TMEM62: variants seen among roughly 807,000 people sequenced by gnomAD.
TMEM62 encodes the protein transmembrane protein 62.
A neutral mutation model predicts 70.4 loss-of-function variants in TMEM62; 41 were observed. The observed-to-expected ratio is 0.58, with a 90% confidence interval of 0.45 to 0.76. The LOEUF (loss-of-function observed/expected upper bound fraction) is 0.76. TMEM62 is among the 30% of genes least tolerant of loss of function. TMEM62 has a pLI of 0.00. For synonymous variants in TMEM62, 268 were observed against 291.0 expected (o/e 0.92, Z 0.80); for missense variants, 688 against 788.5 (o/e 0.87, Z 1.53).
intron 10 of TMEM62, among the ~76,000 whole-genome samples, chr15:43,161,446 G>T (rs1201007888): frequency 6.6e-6 from 1 of 150,414 alleles, no homozygotes; most frequent in Non-Finnish European, 1.5e-5. Flanking sequence ...GCTTTTTAAA[G>T]AATATTTCTT....
chr15:43,151,549 CCAG>C (rs2037394404), intron 7 of TMEM62, among the ~76,000 whole-genome samples: 1 of 151,974 alleles, frequency 6.6e-6, no homozygotes, highest in African/African-American at 2.4e-5. Context: ...ATGCCGTGTA[CCAG>C]GTGTTGTTCA....
intron 11 of TMEM62, 60 bp downstream of exon 11, chr15:43,169,737 A>T: frequency 7.1e-7 from 1 of 1,403,058 alleles, no homozygotes; most frequent in Non-Finnish European, 1.0e-6. Context: ...CAAACTCCGT[A>T]AAATATTTTA....
chr15:43,151,818 C>T lies in TMEM62; in HGVS notation c.895C>T (p.Leu299Phe). 6.2e-7 allele frequency: 1 copy of T among 1,613,760 alleles called. No individual in the cohort carries two copies. Among genetic ancestry groups the T allele is most frequent in the South Asian group, 1.1e-5 (1 of 91,026 alleles). The change falls in exon 8 of 14, where the codon CTC (leucine) becomes TTC (phenylalanine). Residue 299 changes from leucine (L) to phenylalanine (F), a missense_variant. Transcript: ENST00000260403. ...RYRIFAFDHDLFSFADLIFGK... is the reference protein window; with the variant it reads ...RYRIFAFDHDFFSFADLIFGK... ...CCGGATTTTTGCTTTTGATCACGAC[C>T]TCTTTAGCTTTGCAGATTTGATCTT...
chr15:43,140,561 A>G (rs2035867082), intron 4 of TMEM62, among the ~76,000 whole-genome samples: 1 of 152,152 alleles, frequency 6.6e-6, no homozygotes, highest in Non-Finnish European at 1.5e-5. Context: ...CTCTCTATCA[A>G]TACCTGCATA....
intron 5 of TMEM62, among the ~76,000 whole-genome samples, chr15:43,148,426 A>G (rs1329387308): frequency 6.6e-6 from 1 of 152,166 alleles, no homozygotes; most frequent in Non-Finnish European, 1.5e-5. Flanking sequence ...TTAGAAGTTT[A>G]GTTTCTGTAT....
chr15:43,138,673 G>A, intron 4 of TMEM62, 54 bp downstream of exon 4: 2 of 1,383,220 alleles, frequency 1.4e-6, no homozygotes, highest in Non-Finnish European at 1.0e-6. Context: ...TTATAAGGAG[G>A]GTGTGGTCAA....
rs1418719731 is a variant in TMEM62 at position 43,146,558 on chromosome 15, A to T, written c.542A>T (p.Tyr181Phe). The T allele has an allele frequency of 3.7e-6, 6 of 1,613,874 alleles. No homozygotes were observed. The highest frequency in any genetic ancestry group is 5.1e-6 in the Non-Finnish European group (6 of 1,179,810). The stretch of plus-strand genomic sequence containing the variant: ...GTCCACAGTACTCCCTTTGGCAACT[A>T]TTCGTTCATCTGTGTAGATGCCACT... ...HYVHSTPFGN[Y>F]SFICVDATVN... Residue 181 changes from tyrosine (Y) to phenylalanine (F), a missense_variant, in exon 5 of 14, where the codon TAT (tyrosine) becomes TTT (phenylalanine). Tyr to Phe is a conservative substitution (Grantham distance 22, BLOSUM62 3). Transcript: ENST00000260403.
intron 13 of TMEM62, chr15:43,184,027 T>C: frequency 1.7e-6 from 1 of 577,922 alleles, no homozygotes; most frequent in Non-Finnish European, 3.1e-6. Flanking sequence ...GTACTACAAG[T>C]TGGGACTTCA....
rs747336728 is a variant in TMEM62, at chr15:43,184,314, C to T, written c.1660C>T (p.Arg554Trp). The T allele has an allele frequency of 8.1e-6, 13 of 1,614,118 alleles. No homozygotes were observed. The highest frequency in any genetic ancestry group is 1.1e-5 in the Non-Finnish European group (13 of 1,180,014). ...MAYMCWSLLQ[R>W]CFGHNFRSHL... Reference sequence around the variant, plus strand: ...TTACATGTGTTGGAGCTTGCTGCAGCGGTGCTTTGGTCACAACTTCAGGTC... The same window carrying T: ...TTACATGTGTTGGAGCTTGCTGCAGTGGTGCTTTGGTCACAACTTCAGGTC... Residue 554 changes from arginine (R) to tryptophan (W), a missense_variant, in exon 14 of 14, where the codon CGG becomes TGG. By Grantham distance (101) the Arg-to-Trp change is moderately radical. Transcript: ENST00000260403.
intron 10 of TMEM62, among the ~76,000 whole-genome samples, chr15:43,167,607 G>A (rs1477031622): frequency 2.0e-5 from 3 of 151,586 alleles, no homozygotes; most frequent in Non-Finnish European, 4.4e-5. Flanking sequence ...AGATGTGATG[G>A]CGGCCAGGCA....
intron 13 of TMEM62, among the ~76,000 whole-genome samples, chr15:43,183,699 C>A (rs561038412): frequency 2.0e-5 from 3 of 151,858 alleles, no homozygotes; most frequent in South Asian, 4.2e-4. Context: ...TATGACGGAC[C>A]TTTTCTAACT....
chr15:43,157,993 C>G (rs1199095330), intron 9 of TMEM62, among the ~76,000 whole-genome samples: 1 of 152,116 alleles, frequency 6.6e-6, no homozygotes, highest in South Asian at 2.1e-4. Flanking sequence ...TTACCTCCCC[C>G]CTCTTTTTTG....
chr15:43,174,794 G>A (rs2040559725), intron 11 of TMEM62, among the ~76,000 whole-genome samples: 1 of 152,178 alleles, frequency 6.6e-6, no homozygotes, highest in South Asian at 2.1e-4. Context: ...AGAAACTGCT[G>A]GGGGAACTTC....
chr15:43,151,655 A>G (rs1191574532), intron 7 of TMEM62, 135 bp from the exon 8 acceptor site: 5 of 751,312 alleles, frequency 6.7e-6, no homozygotes, highest in Non-Finnish European at 1.1e-5. Flanking sequence ...GAAAGAAAAT[A>G]TTACTTAATC....
At chr15:43,173,635 T>C (rs1307361410) in intron 11 of TMEM62, among the ~76,000 whole-genome samples, 1 of 152,214 alleles carries the variant, frequency 6.6e-6, no homozygotes, top group African/African-American at 2.4e-5. Context: ...TCTAAACTTA[T>C]CTAAATCTTA....
chr15:43,181,709 C>G (rs476342), intron 13 of TMEM62, among the ~76,000 whole-genome samples: 81,957 of 152,016 alleles, frequency 0.54, 26,008 homozygotes, highest in Non-Finnish European at 0.68. Flanking sequence ...ACCATGTTGG[C>G]CAGGCTGGTC....
intron 10 of TMEM62, among the ~76,000 whole-genome samples, chr15:43,162,725 C>T (rs942056670): frequency 8.5e-5 from 13 of 152,286 alleles, no homozygotes; most frequent in Non-Finnish European, 1.6e-4. Flanking sequence ...AGCCACCGCA[C>T]CTGGCTGCCT....
chr15:43,168,110 T>C (rs944571465), intron 10 of TMEM62, among the ~76,000 whole-genome samples: 1 of 139,378 alleles, frequency 7.2e-6, no homozygotes, highest in Non-Finnish European at 1.5e-5. Flanking sequence ...AGAGGGAGAC[T>C]GTGGAAAGAG....
chr15:43,161,340 G>A (rs2038678818), intron 10 of TMEM62, among the ~76,000 whole-genome samples: 1 of 152,120 alleles, frequency 6.6e-6, no homozygotes, highest in Non-Finnish European at 1.5e-5. Context: ...TATAACAAAG[G>A]ATATTAGTTA....
Sources: allele counts gnomAD v4.1 joint callset (sites outside exome capture counted in the v4.1 genomes callset), GRCh38; gene constraint gnomAD v4.1.1; transcripts MANE v1.5; gene names NCBI Gene and HGNC (gene_info 2026-07-23, HGNC 2026-07-21).